Variants in CERS1 observed in about 807,000 individuals in gnomAD.
The protein encoded by CERS1 is ceramide synthase 1, also known as Embryonic growth/differentiation factor 1.
Under a neutral mutation model 35.7 loss-of-function variants are expected in CERS1, and 16 were observed. The observed-to-expected ratio is 0.45, with a 90% CI of 0.30 to 0.68. The LOEUF is 0.68. Ranked by LOEUF, CERS1 falls within the 30% of genes least tolerant of loss-of-function variation. The pLI is 0.08. For missense variants in CERS1, 454 were observed against 453.9 expected (o/e 1.00, Z 0.00); for synonymous variants, 243 against 201.6 (o/e 1.21, Z -1.74).
chr19:18,868,900 C>A lies in CERS1; in HGVS notation c.*1085G>T, dbSNP rs1400848793. On this transcript the variant is annotated 3_prime_UTR_variant, in exon 8 of 8. Transcript: ENST00000623882. Reference sequence around the variant, plus strand: ...AGCCCACCTCGCGGAAGCTCACGTACAGCCGCCGCGCGCGACAAGCGCCCC... The same window carrying A: ...AGCCCACCTCGCGGAAGCTCACGTAAAGCCGCCGCGCGCGACAAGCGCCCC... The A allele has an allele frequency of 1.4e-6, 2 of 1,404,918 alleles. No homozygotes were observed. Among genetic ancestry groups the A allele is most frequent in the Non-Finnish European group, 1.9e-6 (2 of 1,071,150 alleles). 87.0% of individuals were successfully genotyped at this position (1,404,918 alleles called of 1,614,324 possible). A position where few individuals can be genotyped will look rare whatever the true frequency, so the allele number is the denominator to read the frequency against.
chr19:18,873,521 A>AC (rs1313606862), intron 6 of CERS1, among the ~76,000 whole-genome samples: 1 of 151,688 alleles, frequency 6.6e-6, no homozygotes, highest in Non-Finnish European at 1.5e-5. Flanking sequence ...ACACAGTGAG[A>AC]CCCCATCTCT....
chr19:18,893,035 G>A (rs1343335737), intron 2 of CERS1, among the ~76,000 whole-genome samples: 1 of 151,794 alleles, frequency 6.6e-6, no homozygotes, highest in Non-Finnish European at 1.5e-5. Flanking sequence ...TCCTGCCTCA[G>A]CCTCCCGAGT....
intron 1 of CERS1, among the ~76,000 whole-genome samples, chr19:18,893,978 C>A (rs915213084): frequency 2.0e-5 from 3 of 151,836 alleles, no homozygotes; most frequent in African/African-American, 4.8e-5. Context: ...CAGAGAGCCC[C>A]ATGGGACCGA....
Position 18,869,839 on chromosome 19 carries a change from G to C in CERS1, c.*594+144C>G. On this transcript the variant is annotated intron_variant, in intron 7 of 7. Coordinates refer to ENST00000623882, the MANE Select transcript of CERS1 (RefSeq NM_021267.5). ...GCAGCAGATGACGAGGAAAGGGTGAGGTGCGGTGGCCGAAGTTGCTAGTAG... is the reference window on the plus strand; with the variant it reads ...GCAGCAGATGACGAGGAAAGGGTGACGTGCGGTGGCCGAAGTTGCTAGTAG... 4 of 755,488 alleles carry C rather than the reference G, an allele frequency of 5.3e-6. No individual in the cohort carries two copies. In the South Asian group the frequency reaches 6.2e-5, roughly 12 times the overall value. 46.8% of individuals were successfully genotyped at this position (755,488 alleles called of 1,614,324 possible).
chr19:18,883,478 A>C (rs1273042352), intron 3 of CERS1: 1 of 152,178 alleles, frequency 6.6e-6, no homozygotes, highest in Admixed American at 6.5e-5. Context: ...GGCTGCAGTG[A>C]GCAATGGTCA....
Position 18,868,940 on chromosome 19 carries a change from A to T in CERS1, c.*1045T>A. ...ACAAGCGCCCCCGGGGCCGCCGCCC[A>T]ACACGGGTTCGGCGTCGCGCCGCGG... On this transcript the variant is annotated 3_prime_UTR_variant, in exon 8 of 8. Coordinates refer to ENST00000623882, the MANE Select transcript of CERS1 (RefSeq NM_021267.5). The T allele has an allele frequency of 2.4e-6, 3 of 1,275,714 alleles. No individual in the cohort carries two copies. Among genetic ancestry groups the T allele is most frequent in the Non-Finnish European group, 3.0e-6 (3 of 1,005,070 alleles). The allele number at this position is 1,275,714 out of a possible 1,614,324, so 79.0% of individuals were successfully genotyped here.
chr19:18,877,657 C>T (rs971338743), intron 6 of CERS1, among the ~76,000 whole-genome samples: 1 of 148,824 alleles, frequency 6.7e-6, no homozygotes, highest in African/African-American at 2.5e-5. Flanking sequence ...GAGGCTGAGG[C>T]AGGAGGATCA....
rs992138341 is a variant in CERS1, at chr19:18,870,392, G to A, written c.*185C>T. 1.4e-6 allele frequency: 2 copies of A among 1,452,278 alleles called. No individual in the cohort carries two copies. Among genetic ancestry groups the A allele is most frequent in the Non-Finnish European group, 1.9e-6 (2 of 1,070,288 alleles). 90.0% of individuals were successfully genotyped at this position (1,452,278 alleles called of 1,614,324 possible). A position where few individuals can be genotyped will look rare whatever the true frequency, so the allele number is the denominator to read the frequency against. Reference sequence around the variant, plus strand: ...GCTGAGGGCGGGGCCGGTGTCCCCGGAGGGGCAGGGGTCCTGGGGGGCGTG... The same window carrying A: ...GCTGAGGGCGGGGCCGGTGTCCCCGAAGGGGCAGGGGTCCTGGGGGGCGTG... On this transcript the variant is annotated 3_prime_UTR_variant, in exon 7 of 8. Coordinates refer to ENST00000623882, the MANE Select transcript of CERS1 (RefSeq NM_021267.5). This position sits in a 1 kb window ranked among gnomAD's most constrained non-coding sequence, Gnocchi z 5.1.
chr19:18,894,114 A>C (rs2056565840), intron 1 of CERS1, among the ~76,000 whole-genome samples: 2 of 151,304 alleles, frequency 1.3e-5, no homozygotes, highest in African/African-American at 4.9e-5. Flanking sequence ...GGGGCGATGA[A>C]AGGGGAGGAG....
chr19:18,885,187 T>C (rs1568302383), intron 2 of CERS1, among the ~76,000 whole-genome samples: 1 of 152,168 alleles, frequency 6.6e-6, no homozygotes, highest in Non-Finnish European at 1.5e-5. Flanking sequence ...ATTATTATCA[T>C]TATATACATT....
intron 6 of CERS1, among the ~76,000 whole-genome samples, chr19:18,872,822 T>A (rs566020955): frequency 6.6e-6 from 1 of 152,056 alleles, no homozygotes; most frequent in South Asian, 2.1e-4. Flanking sequence ...CTAATTTTTA[T>A]ATTTTTAGTA....
rs1340148780 is a variant in CERS1 at position 18,870,624 on chromosome 19, G to A, written c.1011-5C>T. The A allele has an allele frequency of 3.5e-6, 2 of 572,768 alleles. No homozygotes were observed. Among genetic ancestry groups the A allele is most frequent in the Non-Finnish European group, 6.3e-6 (2 of 316,550 alleles). The allele number at this position is 572,768 out of a possible 1,614,324, so 35.5% of individuals were successfully genotyped here. On this transcript the variant is annotated splice_region_variant and splice_polypyrimidine_tract_variant and intron_variant, in intron 6 of 7. Transcript: ENST00000623882. This position sits in a 1 kb window ranked among gnomAD's most constrained non-coding sequence, Gnocchi z 5.1. ...AGGCCGTTCCTCAGTGGCTTCCTGG[G>A]GGTCAGAACCGGCGCAGGTTAGCCT...
chr19:18,887,509 T>C (rs8104177), intron 2 of CERS1, among the ~76,000 whole-genome samples: 3,208 of 152,056 alleles, frequency 0.021, 107 homozygotes, highest in African/African-American at 0.072. Flanking sequence ...GGCCAGGAGG[T>C]GGAGGCAGGT....
chr19:18,892,511 G>A (rs2146069358), intron 2 of CERS1, among the ~76,000 whole-genome samples: 1 of 152,154 alleles, frequency 6.6e-6, no homozygotes, highest in African/African-American at 2.4e-5. Context: ...CTACTCAGGA[G>A]GCTGAGGCAG....
chr19:18,882,666 AAAGT>A (rs1277340996), intron 3 of CERS1, among the ~76,000 whole-genome samples: 1 of 150,806 alleles, frequency 6.6e-6, no homozygotes, highest in Non-Finnish European at 1.5e-5. Context: ...TAAATAAGAT[AAAGT>A]AATTTTAAAA....
intron 3 of CERS1, 147 bp downstream of exon 3, chr19:18,883,940 A>C: frequency 2.6e-6 from 2 of 764,902 alleles, no homozygotes; most frequent in Non-Finnish European, 4.0e-6. Context: ...CCCTCGTCGG[A>C]CCCCTGAGCA....
intron 6 of CERS1, among the ~76,000 whole-genome samples, chr19:18,874,601 G>A (rs2056029734): frequency 6.6e-6 from 1 of 152,250 alleles, no homozygotes; most frequent in South Asian, 2.1e-4. Flanking sequence ...GGTCCCGGCA[G>A]CCCCTGAGAG....
At chr19:18,875,585 C>CCT (rs1399632995) in intron 6 of CERS1, among the ~76,000 whole-genome samples, 48 of 151,686 alleles carry the variant, frequency 3.2e-4, no homozygotes, top group African/African-American at 1.2e-3. Flanking sequence ...ACTGTTAAAA[C>CCT]GGTAATCCAC....
At chr19:18,892,735 C>A (rs1437878846) in intron 2 of CERS1, among the ~76,000 whole-genome samples, 12 of 152,044 alleles carry the variant, frequency 7.9e-5, no homozygotes. Context: ...GTGCTGTTAC[C>A]GACACCTGGA....
Sources: allele counts gnomAD v4.1 joint callset (sites outside exome capture counted in the v4.1 genomes callset), GRCh38; gene constraint gnomAD v4.1.1; non-coding constraint Gnocchi (gnomAD v3.1); transcripts MANE v1.5; gene names NCBI Gene and HGNC (gene_info 2026-07-23, HGNC 2026-07-21).